RCAN2: variants seen among roughly 807,000 people sequenced by gnomAD.
RCAN2 encodes calcipressin-2.
In RCAN2, 9 loss-of-function variants were observed where a neutral mutation model predicts 23.6. That is an observed-to-expected ratio of 0.38 (90% confidence interval 0.23 to 0.67). RCAN2 has a LOEUF of 0.67. RCAN2 is among the 30% of genes least tolerant of loss of function. RCAN2 has a pLI of 0.51. For missense variants in RCAN2, 273 were observed against 302.3 expected (o/e 0.90, Z 0.72); for synonymous variants, 109 against 115.7 (o/e 0.94, Z 0.37).
At chr6:46,299,659 T>C (rs758935583) in intron 2 of RCAN2, among the ~76,000 whole-genome samples, 1 of 152,054 alleles carries the variant, frequency 6.6e-6, no homozygotes, top group Non-Finnish European at 1.5e-5. Context: ...TTACCACTTA[T>C]TGCCTTGAAA....
Position 46,456,900 on chromosome 6 carries a change from A to G in RCAN2, c.77T>C (p.Phe26Ser), listed in dbSNP as rs1415878055. 3.2e-6 allele frequency: 5 copies of G among 1,550,714 alleles called. No individual in the cohort carries two copies. Among genetic ancestry groups the G allele is most frequent in the Non-Finnish European group, 4.4e-6 (5 of 1,147,000 alleles). Residue 26 changes from phenylalanine to serine, a missense_variant, in exon 2 of 5, where the codon TTC becomes TCC. By Grantham distance (155) the Phe-to-Ser change is radical (BLOSUM62 -2). Transcript: ENST00000371374. ...QGHVPEDGGL[F>S]LLCCIDRDWA... The stretch of plus-strand genomic sequence containing the variant: ...GTCCCTGTCTATGCAGCACAGTAAG[A>G]AAAGTCCTCCATCTTCAGGGACGTG...
At chr6:46,325,723 A>C in intron 2 of RCAN2, 1 of 1,305,546 alleles carries the variant, frequency 7.7e-7, no homozygotes, top group Non-Finnish European at 9.7e-7. Context: ...GACTGACACA[A>C]GCTGAAGCTA....
chr6:46,311,217 T>A (rs1223591382), intron 2 of RCAN2, among the ~76,000 whole-genome samples: 3 of 152,180 alleles, frequency 2.0e-5, no homozygotes, highest in Non-Finnish European at 4.4e-5. Flanking sequence ...GTCTGAAGAC[T>A]ACACCCAGTG....
intron 2 of RCAN2, among the ~76,000 whole-genome samples, chr6:46,285,167 T>C (rs930251324): frequency 5.9e-5 from 9 of 152,242 alleles, no homozygotes; most frequent in African/African-American, 1.9e-4. Flanking sequence ...TCTCTAGTTA[T>C]GTGTGTGTAT....
chr6:46,407,872 A>G (rs9395188), intron 2 of RCAN2, among the ~76,000 whole-genome samples: 62,223 of 152,116 alleles, frequency 0.41, 15,705 homozygotes, highest in East Asian at 0.59. Flanking sequence ...AAAAAGATTG[A>G]TGGAGTGCTA....
At chr6:46,338,086 A>G (rs1433380953) in intron 2 of RCAN2, among the ~76,000 whole-genome samples, 2 of 152,232 alleles carry the variant, frequency 1.3e-5, no homozygotes, top group Admixed American at 1.3e-4. Context: ...TATACCTGAC[A>G]GAGCACTTGG....
At chr6:46,466,083 C>T (rs930129016) in intron 1 of RCAN2, among the ~76,000 whole-genome samples, 14 of 152,148 alleles carry the variant, frequency 9.2e-5, no homozygotes, top group Admixed American at 8.5e-4. Context: ...GACGCCCCAC[C>T]TGGAGACAGA....
At chr6:46,304,118 C>CT (rs1762992704) in intron 2 of RCAN2, among the ~76,000 whole-genome samples, 2 of 152,120 alleles carry the variant, frequency 1.3e-5, no homozygotes, top group Non-Finnish European at 2.9e-5. Flanking sequence ...CATTGACTGT[C>CT]TTTTTGCTTC....
At chr6:46,324,187 C>T (rs1264848161) in intron 2 of RCAN2, among the ~76,000 whole-genome samples, 1 of 152,222 alleles carries the variant, frequency 6.6e-6, no homozygotes, top group Non-Finnish European at 1.5e-5. Context: ...AGTGCCAAAC[C>T]TTTATGTCCT....
chr6:46,301,779 A>G (rs1452780155), intron 2 of RCAN2, among the ~76,000 whole-genome samples: 1 of 152,106 alleles, frequency 6.6e-6, no homozygotes, highest in African/African-American at 2.4e-5. Flanking sequence ...TTAAAGGCAG[A>G]TAATTCCAGG....
chr6:46,450,015 G>A (rs903250138), intron 2 of RCAN2, among the ~76,000 whole-genome samples: 3 of 151,776 alleles, frequency 2.0e-5, no homozygotes, highest in African/African-American at 7.2e-5. Flanking sequence ...ACAATCAATG[G>A]AGAAAATATT....
At chr6:46,471,890 C>T (rs75557956) in intron 1 of RCAN2, among the ~76,000 whole-genome samples, 5,797 of 152,172 alleles carry the variant, frequency 0.038, 220 homozygotes, top group African/African-American at 0.1. Flanking sequence ...CAGGTGCGTG[C>T]GCACACACAC....
At chr6:46,426,243 A>G (rs1767028105) in intron 2 of RCAN2, among the ~76,000 whole-genome samples, 1 of 152,134 alleles carries the variant, frequency 6.6e-6, no homozygotes, top group African/African-American at 2.4e-5. Context: ...TCCTTCCCAC[A>G]GAAATTTAAT....
chr6:46,435,007 A>G (rs1767327816), intron 2 of RCAN2, among the ~76,000 whole-genome samples: 3 of 152,258 alleles, frequency 2.0e-5, no homozygotes, highest in Admixed American at 2.0e-4. Context: ...TTCTGGCAAC[A>G]AAGTCTCTGA....
intron 2 of RCAN2, among the ~76,000 whole-genome samples, chr6:46,276,107 G>C (rs548984703): frequency 6.6e-6 from 1 of 152,274 alleles, no homozygotes; most frequent in South Asian, 2.1e-4. Flanking sequence ...TCGGGAGGCT[G>C]AAGCAGAAGA....
At chr6:46,228,034 C>T (rs1582004413) in intron 4 of RCAN2, among the ~76,000 whole-genome samples, 1 of 152,106 alleles carries the variant, frequency 6.6e-6, no homozygotes, top group African/African-American at 2.4e-5. Context: ...CCTTATGTAC[C>T]CAGTAATCAT....
intron 2 of RCAN2, among the ~76,000 whole-genome samples, chr6:46,374,326 A>T (rs1440835242): frequency 1.3e-5 from 2 of 152,180 alleles, no homozygotes; most frequent in African/African-American, 4.8e-5. Flanking sequence ...AGGCCTCCCT[A>T]ATTGCTCCTT....
chr6:46,284,500 T>C (rs1341675944), intron 2 of RCAN2, among the ~76,000 whole-genome samples: 1 of 152,218 alleles, frequency 6.6e-6, no homozygotes, highest in African/African-American at 2.4e-5. Context: ...TAAAACCCAA[T>C]AGACCAGAAT....
intron 4 of RCAN2, among the ~76,000 whole-genome samples, chr6:46,229,544 C>G (rs918695161): frequency 3.9e-5 from 6 of 152,226 alleles, no homozygotes; most frequent in Non-Finnish European, 7.3e-5. Flanking sequence ...GATACCCTTT[C>G]TTCCACCTGA....
Sources: gnomAD v4.1 joint callset for allele counts (sites outside exome capture counted in the v4.1 genomes callset) on GRCh38, gnomAD v4.1.1 for gene constraint, MANE v1.5 for transcripts, NCBI Gene and HGNC (gene_info 2026-07-23, HGNC 2026-07-21) for gene names.